Variants in NTRK2 observed in about 807,000 individuals in gnomAD.
NTRK2 encodes neurotrophic receptor tyrosine kinase 2.
A neutral mutation model predicts 94.5 loss-of-function variants in NTRK2; 13 were observed. The ratio of observed to expected loss-of-function variants is 0.14; its 90% CI spans 0.09 to 0.22. The LOEUF is 0.22. Among genes scored for constraint, NTRK2 ranks in the 10% least tolerant of loss-of-function variants. NTRK2 has a pLI of 1.00. For missense variants in NTRK2, 639 were observed against 1,071.2 expected (o/e 0.60, Z 5.63); for synonymous variants, 372 against 407.4 (o/e 0.91, Z 1.05).
intron 8 of NTRK2, among the ~76,000 whole-genome samples, chr9:84,726,361 C>A (rs568967972): frequency 6.6e-6 from 1 of 152,164 alleles, no homozygotes; most frequent in Non-Finnish European, 1.5e-5. Context: ...ATGGCAGGCG[C>A]CTGTAATCCA....
At chr9:84,794,731 G>T (rs1460527721) in intron 12 of NTRK2, among the ~76,000 whole-genome samples, 1 of 152,156 alleles carries the variant, frequency 6.6e-6, no homozygotes, top group Non-Finnish European at 1.5e-5. Flanking sequence ...GGAAATTCTT[G>T]CATATAAAGG....
chr9:84,815,826 GA>G, intron 12 of NTRK2: 1 of 815,476 alleles, frequency 1.2e-6, no homozygotes, highest in Non-Finnish European at 1.5e-6. Context: ...AACAGTGTGA[GA>G]AATGTCACGG....
chr9:84,824,171 G>A (rs1288313043), intron 12 of NTRK2, among the ~76,000 whole-genome samples: 1 of 152,172 alleles, frequency 6.6e-6, no homozygotes, highest in African/African-American at 2.4e-5. Flanking sequence ...GTTGCAACAG[G>A]CAAAAATGGG....
chr9:85,004,084 G>A (rs1366473060), intron 17 of NTRK2, among the ~76,000 whole-genome samples: 1 of 122,238 alleles, frequency 8.2e-6, no homozygotes, highest in Non-Finnish European at 1.8e-5. Flanking sequence ...GAGGAAGAGG[G>A]AGAGAGAAAG....
At chr9:84,815,300 A>G (rs1203803217) in intron 12 of NTRK2, 1 of 1,050,728 alleles carries the variant, frequency 9.5e-7, no homozygotes, top group Non-Finnish European at 1.1e-6. Context: ...CTATGACTGC[A>G]GTGGGTTTTT....
At chr9:84,713,704 T>A (rs1313018182) in intron 6 of NTRK2, among the ~76,000 whole-genome samples, 1 of 152,196 alleles carries the variant, frequency 6.6e-6, no homozygotes. Flanking sequence ...CTGAGAACTT[T>A]GAAGATATTG....
At chr9:84,799,802 G>A (rs1014634169) in intron 12 of NTRK2, among the ~76,000 whole-genome samples, 3 of 151,990 alleles carry the variant, frequency 2.0e-5, no homozygotes, top group African/African-American at 7.3e-5. Context: ...GATGAAATTA[G>A]GCTTAAAGAA....
intron 12 of NTRK2, among the ~76,000 whole-genome samples, chr9:84,841,556 A>G (rs1227415503): frequency 2.0e-5 from 3 of 152,192 alleles, no homozygotes; most frequent in African/African-American, 7.2e-5. Context: ...CAGCATTTGT[A>G]TCTGTGGCTC....
chr9:84,857,236 G>T (rs2075110787), intron 12 of NTRK2, among the ~76,000 whole-genome samples: 1 of 152,076 alleles, frequency 6.6e-6, no homozygotes, highest in Non-Finnish European at 1.5e-5. Flanking sequence ...AACATGAGAT[G>T]GATTTAATTG....
chr9:84,855,553 T>C (rs926212529), intron 12 of NTRK2, among the ~76,000 whole-genome samples: 3 of 151,868 alleles, frequency 2.0e-5, no homozygotes. Flanking sequence ...TGGGAAGTCA[T>C]GGAGTCAGTT....
At chr9:84,682,069 C>T (rs1263620045) in intron 2 of NTRK2, among the ~76,000 whole-genome samples, 2 of 152,146 alleles carry the variant, frequency 1.3e-5, no homozygotes, top group African/African-American at 4.8e-5. Context: ...CATCCATCTC[C>T]ATAATGGGAG....
intron 12 of NTRK2, among the ~76,000 whole-genome samples, chr9:84,829,527 C>A (rs2073401806): frequency 6.6e-6 from 1 of 152,180 alleles, no homozygotes; most frequent in Non-Finnish European, 1.5e-5. Flanking sequence ...ATAGCCAAAT[C>A]AATCATTGTG....
At chr9:84,722,172 T>TC (rs2062112734) in intron 6 of NTRK2, among the ~76,000 whole-genome samples, 1 of 147,426 alleles carries the variant, frequency 6.8e-6, no homozygotes, top group East Asian at 2.0e-4. Context: ...TTTTTTTTTT[T>TC]TTTTTTTTTT....
chr9:84,998,593 G>A (rs186133064), intron 17 of NTRK2, among the ~76,000 whole-genome samples: 4 of 152,278 alleles, frequency 2.6e-5, no homozygotes, highest in Admixed American at 6.5e-5. Context: ...GACACGTGCT[G>A]CTTATCACCC....
chr9:84,915,265 GGTTT>G (rs1421139843), intron 14 of NTRK2, among the ~76,000 whole-genome samples: 2 of 152,106 alleles, frequency 1.3e-5, no homozygotes, highest in Non-Finnish European at 2.9e-5. Context: ...GTTACTCTAT[GGTTT>G]GTTTGGCCCC....
chr9:84,977,973 G>A (rs1827101060), intron 17 of NTRK2, among the ~76,000 whole-genome samples: 1 of 152,138 alleles, frequency 6.6e-6, no homozygotes, highest in Non-Finnish European at 1.5e-5. Flanking sequence ...ATCCATGTAA[G>A]ACAGTGAACT....
At chr9:84,707,693 T>G in intron 4 of NTRK2, 151 bp from the exon 5 acceptor site, 1 of 629,442 alleles carries the variant, frequency 1.6e-6, no homozygotes. Flanking sequence ...CAGCTATCAC[T>G]CTAAGTGAAA....
At chr9:84,868,558 C>T (rs940303983) in intron 14 of NTRK2, among the ~76,000 whole-genome samples, 3 of 152,106 alleles carry the variant, frequency 2.0e-5, no homozygotes, top group Admixed American at 2.0e-4. Flanking sequence ...TTTTGGTTGA[C>T]TCTGTAACAT....
intron 17 of NTRK2, among the ~76,000 whole-genome samples, chr9:84,999,167 G>A (rs954625625): frequency 2.0e-5 from 3 of 150,764 alleles, no homozygotes; most frequent in African/African-American, 2.5e-5. Flanking sequence ...CCATTTGAGC[G>A]TCTGTTTTAT....
Sources: gnomAD v4.1 joint callset for allele counts (sites outside exome capture counted in the v4.1 genomes callset) on GRCh38, gnomAD v4.1.1 for gene constraint, MANE v1.5 for transcripts, NCBI Gene and HGNC (gene_info 2026-07-23, HGNC 2026-07-21) for gene names.